Variants in AMMECR1 observed in about 807,000 individuals in gnomAD.
AMMECR1 encodes nuclear protein AMMECR1.
A neutral mutation model predicts 22.5 loss-of-function variants in AMMECR1; 3 were observed. The ratio of observed to expected loss-of-function variants is 0.13; its 90% confidence interval spans 0.06 to 0.35. AMMECR1 has a LOEUF of 0.35. Among genes scored for constraint, AMMECR1 ranks in the 10% least tolerant of loss-of-function variants. The probability of loss-of-function intolerance (pLI) is 1.00; values close to 1 mark genes in which losing one functional copy is unlikely to be tolerated. For missense variants in AMMECR1, 235 were observed against 278.7 expected (o/e 0.84, Z 1.12); for synonymous variants, 130 against 116.7 (o/e 1.11, Z -0.74).
intron 1 of AMMECR1, among the ~76,000 whole-genome samples, chrX:110,280,432 TA>T (rs1321412400): frequency 9.0e-6 from 1 of 111,552 alleles, no homozygotes; most frequent in Non-Finnish European, 1.9e-5. Flanking sequence ...ATTAAAACGT[TA>T]AAAACAAAAA....
At position 110,280,712 on chromosome X, in the gene AMMECR1, G is replaced by A. The variant is rs186345931; in HGVS notation, c.474-16113C>T. Among the ~76,000 whole-genome samples, 348 of 111,621 alleles carry A rather than the reference G, an allele frequency of 3.1e-3. 1 individual carries two copies. Among genetic ancestry groups the A allele is most frequent in the Middle Eastern group, 9.3e-3 (2 of 215 alleles). On this transcript the variant is annotated intron_variant, in intron 1 of 5. Coordinates refer to ENST00000262844, the MANE Select transcript of AMMECR1 (RefSeq NM_015365.3). ...AATGTTTCCTGACACTCTTTCTATG[G>A]AAATATTTTCACATTTTTAGGATCA...
At chrX:110,388,327 A>G (rs925074917) in intron 2 of AMMECR1, among the ~76,000 whole-genome samples, 17 of 112,113 alleles carry the variant, frequency 1.5e-4, no homozygotes, top group Admixed American at 1.4e-3. Context: ...AGAACTCAGT[A>G]TGTAACCATC....
chrX:110,282,053 G>A (rs890466786), intron 1 of AMMECR1, among the ~76,000 whole-genome samples: 1 of 111,720 alleles, frequency 9.0e-6, no homozygotes, highest in Non-Finnish European at 1.9e-5. Context: ...ATACTGTTTT[G>A]GAATGTGTAG....
chrX:110,209,714 G>C (rs1394598053), intron 3 of AMMECR1, among the ~76,000 whole-genome samples: 3 of 110,807 alleles, frequency 2.7e-5, no homozygotes, highest in Non-Finnish European at 5.7e-5. Flanking sequence ...TATTCTGTCA[G>C]AGTCCAAAGA....
At chrX:110,368,970 G>A (rs2068317461) in intron 2 of AMMECR1, among the ~76,000 whole-genome samples, 1 of 111,765 alleles carries the variant, frequency 8.9e-6, no homozygotes, top group Non-Finnish European at 1.9e-5. Context: ...GTCTTTACAT[G>A]AGGACTTCCA....
At chrX:110,377,452 C>G (rs923639151) in intron 2 of AMMECR1, among the ~76,000 whole-genome samples, 5 of 111,516 alleles carry the variant, frequency 4.5e-5, no homozygotes. Flanking sequence ...CAGTAAATCA[C>G]TGAATTTCTT....
rs765127632 is a variant in AMMECR1 at position 110,281,725 on chromosome X, A to T, written c.474-17126T>A. On this transcript the variant is annotated intron_variant, in intron 1 of 5. Coordinates refer to ENST00000262844, the MANE Select transcript of AMMECR1 (RefSeq NM_015365.3). The stretch of plus-strand genomic sequence containing the variant: ...TCCTGGGCCATCTTCTCAATAACTA[A>T]CTTTTTAGAAGGTCTATAAGGTCTA... Among the ~76,000 whole-genome samples the T allele has an allele frequency of 1.8e-4, 20 of 112,268 alleles. No individual in the cohort carries two copies. The East Asian group carries it at 5.6e-3, about 32-fold the overall frequency.
chrX:110,333,824 CA>C (rs1458980245), intron 2 of AMMECR1, among the ~76,000 whole-genome samples: 2 of 104,922 alleles, frequency 1.9e-5, no homozygotes, highest in Non-Finnish European at 2.0e-5. Flanking sequence ...CAGGGCCTGT[CA>C]GGGGGTGGGG....
chrX:110,201,150 C>G, intron 4 of AMMECR1, 100 bp from the exon 5 acceptor site: 1 of 463,396 alleles, frequency 2.2e-6, no homozygotes, highest in Non-Finnish European at 3.6e-6. Context: ...ATCACTGTCA[C>G]CAAATGCCAT....
At chrX:110,259,408 A>G (rs1159253535) in intron 2 of AMMECR1, among the ~76,000 whole-genome samples, 1 of 111,211 alleles carries the variant, frequency 9.0e-6, no homozygotes, top group East Asian at 2.8e-4. Flanking sequence ...AACAAAGGAG[A>G]AAAAAAGATA....
intron 2 of AMMECR1, among the ~76,000 whole-genome samples, chrX:110,334,518 C>G (rs184427449): frequency 1.3e-4 from 14 of 111,106 alleles, no homozygotes; most frequent in African/African-American, 3.6e-4. Flanking sequence ...CATACTGAAC[C>G]TAAAGGATAT....
At chrX:110,210,267 CA>C (rs1482882205) in intron 3 of AMMECR1, among the ~76,000 whole-genome samples, 1 of 106,362 alleles carries the variant, frequency 9.4e-6, no homozygotes, top group East Asian at 2.9e-4. Context: ...AAAAAAAAAA[CA>C]TTTAAAGTAG....
chrX:110,293,278 C>T (rs1287353824), intron 1 of AMMECR1, among the ~76,000 whole-genome samples: 1 of 111,712 alleles, frequency 9.0e-6, no homozygotes, highest in South Asian at 3.7e-4. Flanking sequence ...GGATTTCACA[C>T]CATGTGAGTA....
rs777838290 is a variant in AMMECR1, at chrX:110,418,528, C to T, written c.-148+8130G>A. ...ATGAGTTTTTCCAGCCGTCAGATTT[C>T]AAGGAACATGAACGAGAGGAAGGCC... On this transcript the variant is annotated intron_variant, in intron 2 of 7. Coordinates refer to the AMMECR1 transcript ENST00000372057. 5.4e-5 allele frequency among the ~76,000 whole-genome samples: 6 copies of T among 111,944 alleles called. No homozygotes were observed. In the South Asian group the frequency reaches 2.3e-3, roughly 42 times the overall value.
At chrX:110,282,150 G>A (rs183488506) in intron 1 of AMMECR1, among the ~76,000 whole-genome samples, 123 of 111,364 alleles carry the variant, frequency 1.1e-3, no homozygotes, top group Middle Eastern at 4.6e-3. Context: ...ACTCCCACAC[G>A]TAAGAACTAT....
At chrX:110,435,345 C>T (rs1342002916) in intron 1 of AMMECR1, among the ~76,000 whole-genome samples, 1 of 111,922 alleles carries the variant, frequency 8.9e-6, no homozygotes, top group Non-Finnish European at 1.9e-5. Flanking sequence ...ACAAAGACCA[C>T]AACTCTACAG....
intron 1 of AMMECR1, among the ~76,000 whole-genome samples, chrX:110,268,207 C>G (rs927479203): frequency 6.2e-5 from 7 of 112,025 alleles, no homozygotes; most frequent in Non-Finnish European, 1.3e-4. Context: ...ATGATCTATA[C>G]TCTCCCTGAT....
chrX:110,392,272 G>GTT (rs377409601), intron 2 of AMMECR1, among the ~76,000 whole-genome samples: 150 of 84,983 alleles, frequency 1.8e-3, no homozygotes, highest in African/African-American at 2.8e-3. Context: ...TCTACCACAG[G>GTT]TTTTTTTTTT....
Position 110,201,023 on chromosome X carries a change from G to T in AMMECR1, c.818C>A (p.Ser273Tyr). ...TTTGTATCCTCCTTTCCTCAATAAG[G>T]AGTCTATGGTCTGTATATGGTCCCA... is the stretch of plus-strand genomic sequence containing the variant. ...QGWDHIQTID[S>Y]LLRKGGYKAP... Residue 273 changes from serine (S) to tyrosine (Y), a missense_variant, in exon 5 of 6, where the codon TCC (serine) becomes TAC (tyrosine). Physicochemically the swap from Ser to Tyr is moderately radical, Grantham distance 144. Transcript: ENST00000262844. 1 of 1,203,723 alleles carries T rather than the reference G, an allele frequency of 8.3e-7. No individual in the cohort carries two copies. The highest frequency in any genetic ancestry group is 1.1e-6 in the Non-Finnish European group (1 of 889,043).
Sources: allele counts gnomAD v4.1 joint callset (sites outside exome capture counted in the v4.1 genomes callset), GRCh38; gene constraint gnomAD v4.1.1; transcripts MANE v1.5; gene names NCBI Gene and HGNC (gene_info 2026-07-23, HGNC 2026-07-21).